The following DDX60L variants were observed in gnomAD, a reference collection of about 807,000 sequenced individuals.
The protein encoded by DDX60L is DExD/H-box 60 like, also known as probable ATP-dependent RNA helicase DDX60-like.
DDX60L carries 191 observed loss-of-function variants against 211.6 expected under a neutral mutation model. The ratio of observed to expected loss-of-function variants is 0.90; its 90% CI spans 0.80 to 1.02. DDX60L has a LOEUF of 1.02. Ranked by LOEUF, DDX60L falls within the 50% of genes least tolerant of loss-of-function variation. The pLI is 0.00. For synonymous variants in DDX60L, 706 were observed against 694.1 expected (o/e 1.02, Z -0.27); for missense variants, 2,007 against 1,984.1 (o/e 1.01, Z -0.22).
At chr4:168,420,605 C>T (rs905417726) in intron 17 of DDX60L, among the ~76,000 whole-genome samples, 10 of 102,704 alleles carry the variant, frequency 9.7e-5, no homozygotes, top group African/African-American at 3.8e-4. Context: ...TTTAAACACA[C>T]ACACACATAC....
chr4:168,478,548 C>T (rs1002441262), intron 1 of DDX60L, among the ~76,000 whole-genome samples: 2 of 152,148 alleles, frequency 1.3e-5, no homozygotes, highest in African/African-American at 4.8e-5. Flanking sequence ...ACCAGCAGGT[C>T]TCCATACTTA....
chr4:168,390,046 G>C, intron 29 of DDX60L: 1 of 704,846 alleles, frequency 1.4e-6, no homozygotes, highest in Non-Finnish European at 1.7e-6. Flanking sequence ...AAGTGCAAGG[G>C]GCAATTCCCA....
intron 1 of DDX60L, among the ~76,000 whole-genome samples, chr4:168,477,366 G>T (rs1759709235): frequency 6.6e-6 from 1 of 151,148 alleles, no homozygotes; most frequent in African/African-American, 2.4e-5. Flanking sequence ...AGTGAGCCGA[G>T]ATCACGCCAC....
chr4:168,426,172 C>T (rs976167393), intron 14 of DDX60L, among the ~76,000 whole-genome samples: 12 of 152,108 alleles, frequency 7.9e-5, no homozygotes, highest in Non-Finnish European at 1.8e-4. Flanking sequence ...TTCTGGTAAC[C>T]GTTCACTCCC....
At chr4:168,468,792 CA>C (rs1474470084) in intron 4 of DDX60L, 6 of 152,054 alleles carry the variant, frequency 3.9e-5, no homozygotes, top group Non-Finnish European at 5.9e-5. Context: ...TACCAGTTAA[CA>C]AACAAAAATC....
At position 168,394,483 on chromosome 4, in the gene DDX60L, A is replaced by G. The variant is rs1367063108; in HGVS notation, c.3792T>C (p.Phe1264=). Residue 1264 remains phenylalanine (F), a synonymous_variant, in exon 28 of 38, where the codon TTT becomes TTC. Coordinates refer to ENST00000682922, the MANE Select transcript of DDX60L (RefSeq NM_001012967.3). ...TACCTACCCTAATAAGCCCTTTTAC[A>G]AAGAGTATCTCAACAAACTCTTTTT... ...FKEKEFVEIL[F]VKGLIRVVTA... 3 of 1,605,726 alleles carry G rather than the reference A, an allele frequency of 1.9e-6. No individual in the cohort carries two copies. Among genetic ancestry groups the G allele is most frequent in the Non-Finnish European group, 2.5e-6 (3 of 1,177,468 alleles).
chr4:168,382,135 A>G (rs1743075721), intron 30 of DDX60L, among the ~76,000 whole-genome samples: 1 of 152,178 alleles, frequency 6.6e-6, no homozygotes, highest in Admixed American at 6.5e-5. Flanking sequence ...CCTTACAATG[A>G]TATTTTATTA....
chr4:168,391,480 C>T, intron 29 of DDX60L, 60 bp downstream of exon 29: 1 of 1,105,088 alleles, frequency 9.0e-7, no homozygotes, highest in African/African-American at 1.6e-5. Flanking sequence ...GTGAGTGCCA[C>T]ATGGTTCATT....
At chr4:168,418,609 G>A (rs1349385624) in intron 19 of DDX60L, among the ~76,000 whole-genome samples, 1 of 152,222 alleles carries the variant, frequency 6.6e-6, no homozygotes, top group Admixed American at 6.5e-5. Flanking sequence ...AAAAGGAGTA[G>A]ATTCACTACA....
At position 168,415,804 on chromosome 4, in the gene DDX60L, C is replaced by T; in HGVS notation, c.2727-5G>A. On this transcript the variant is annotated splice_polypyrimidine_tract_variant and splice_region_variant and intron_variant, in intron 20 of 37. Transcript: ENST00000682922. ...TGTTTTACTGATTGCAGCCACCTTA[C>T]AGAATAAACATGCATATAATTTAAA... 1.3e-6 allele frequency: 2 copies of T among 1,521,378 alleles called. No homozygotes were observed. Among genetic ancestry groups the T allele is most frequent in the Non-Finnish European group, 1.8e-6 (2 of 1,135,556 alleles). The allele number at this position is 1,521,378 out of a possible 1,614,324, so 94.2% of individuals were successfully genotyped here. A position where few individuals can be genotyped will look rare whatever the true frequency, so the allele number is the denominator to read the frequency against.
At chr4:168,363,360 T>G (rs1487969842) in intron 36 of DDX60L, among the ~76,000 whole-genome samples, 1 of 152,152 alleles carries the variant, frequency 6.6e-6, no homozygotes, top group Non-Finnish European at 1.5e-5. Context: ...ACAAAAATAT[T>G]TGAAAGATTA....
At position 168,373,676 on chromosome 4, in the gene DDX60L, G is replaced by T; in HGVS notation, c.4766C>A (p.Thr1589Asn). The T allele has an allele frequency of 6.2e-7, 1 of 1,613,554 alleles. No homozygotes were observed. Among genetic ancestry groups the T allele is most frequent in the Non-Finnish European group, 8.5e-7 (1 of 1,179,634 alleles). ...NTDNDLLRPE[T>N]INQVILRTVG... ...GTATCCTTCACTTACCTGGTTGATAGTCTCTGGTCGAAGCAAATCATTATC... is the reference window on the plus strand; with the variant it reads ...GTATCCTTCACTTACCTGGTTGATATTCTCTGGTCGAAGCAAATCATTATC... Residue 1589 changes from threonine (T) to asparagine (N), a missense_variant, in exon 35 of 38, where the codon ACT becomes AAT. Transcript: ENST00000682922.
intron 4 of DDX60L, among the ~76,000 whole-genome samples, chr4:168,466,933 G>T (rs573450705): frequency 1.2e-4 from 18 of 152,072 alleles, no homozygotes; most frequent in African/African-American, 4.1e-4. Flanking sequence ...CTTTTTAGAG[G>T]TTTTTTGTTT....
Position 168,379,850 on chromosome 4 carries a change from T to C in DDX60L, c.4117-20A>G. The C allele has an allele frequency of 6.5e-7, 1 of 1,537,882 alleles. No individual in the cohort carries two copies. Among genetic ancestry groups the C allele is most frequent in the Middle Eastern group, 1.7e-4 (1 of 5,822 alleles). ...CAACACCTATAAAAGAAGAGTACTT[T>C]AATTTATCTAGTTTTAAACAGTATT... On this transcript the variant is annotated intron_variant, in intron 30 of 37. Coordinates refer to ENST00000682922, the MANE Select transcript of DDX60L (RefSeq NM_001012967.3).
intron 4 of DDX60L, among the ~76,000 whole-genome samples, chr4:168,464,523 C>G (rs1424721034): frequency 2.7e-5 from 4 of 148,816 alleles, no homozygotes; most frequent in Non-Finnish European, 5.9e-5. Flanking sequence ...AATGATCCTC[C>G]CCATTCAGCC....
intron 28 of DDX60L, among the ~76,000 whole-genome samples, chr4:168,392,061 C>T (rs1300744138): frequency 6.6e-6 from 1 of 152,120 alleles, no homozygotes; most frequent in Admixed American, 6.5e-5. Context: ...GGACACACAG[C>T]AGATGCACAA....
intron 36 of DDX60L, among the ~76,000 whole-genome samples, chr4:168,365,567 T>C (rs1033807979): frequency 2.7e-5 from 4 of 150,546 alleles, no homozygotes; most frequent in African/African-American, 9.7e-5. Context: ...CACGACTTAA[T>C]GGCTTCACTG....
intron 1 of DDX60L, among the ~76,000 whole-genome samples, chr4:168,478,068 A>T (rs917794447): frequency 2.0e-5 from 3 of 152,044 alleles, no homozygotes; most frequent in African/African-American, 7.2e-5. Flanking sequence ...TCCCTATTTT[A>T]AAAAGGAAGG....
rs1182040480 is a variant in DDX60L, at chr4:168,471,564, A to T, written c.264+183T>A. The T allele has an allele frequency of 6.5e-6, 3 of 462,924 alleles. No individual in the cohort carries two copies. The South Asian group carries it at 1.5e-4, about 23-fold the overall frequency. The allele number at this position is 462,924 out of a possible 1,614,324, so 28.7% of individuals were successfully genotyped here. ...GAGTTGAGGGAAAAAAATTTAATAA[A>T]ATAAAAAATAAAGAATGGTTATCTC... On this transcript the variant is annotated intron_variant, in intron 4 of 37. Transcript: ENST00000682922.
Sources: gnomAD v4.1 joint callset for allele counts (sites outside exome capture counted in the v4.1 genomes callset) on GRCh38, gnomAD v4.1.1 for gene constraint, MANE v1.5 for transcripts, NCBI Gene and HGNC (gene_info 2026-07-23, HGNC 2026-07-21) for gene names.